Variants in DENND4C observed in about 807,000 individuals in gnomAD.
DENND4C encodes the protein DENN domain containing 4C, also known as DENN domain-containing protein 4C.
DENND4C carries 108 observed loss-of-function variants against 203.0 expected under a neutral mutation model. The observed-to-expected ratio is 0.53, with a 90% CI of 0.46 to 0.62. DENND4C has a LOEUF of 0.62. DENND4C is among the 20% of genes least tolerant of loss of function. The pLI is 0.00. For synonymous variants in DENND4C, 871 were observed against 792.4 expected (o/e 1.10, Z -1.67); for missense variants, 2,481 against 2,301.2 (o/e 1.08, Z -1.60).
intron 5 of DENND4C, among the ~76,000 whole-genome samples, chr9:19,291,899 T>C (rs982446740): frequency 6.6e-6 from 1 of 152,172 alleles, no homozygotes; most frequent in Non-Finnish European, 1.5e-5. Flanking sequence ...AGGACAAGGC[T>C]ACATCCTAAG....
In DENND4C at chr9:19,336,156, A is replaced by T. The variant is rs1820412627; in HGVS notation, c.2590-114A>T. 7 of 943,342 alleles carry T rather than the reference A, an allele frequency of 7.4e-6. No individual in the cohort carries two copies. In the Admixed American group the frequency reaches 1.5e-4, roughly 21 times the overall value. The allele number at this position is 943,342 out of a possible 1,614,324, so 58.4% of individuals were successfully genotyped here. A position where few individuals can be genotyped will look rare whatever the true frequency, so the allele number is the denominator to read the frequency against. ...TTTAATATACCTCTTGGCCAGTATA[A>T]CTTTTTATATTTGTGTATATATATA... On this transcript the variant is annotated intron_variant, in intron 18 of 32. Coordinates refer to ENST00000434457, the MANE Select transcript of DENND4C (RefSeq NM_001330640.2).
chr9:19,316,935 C>A, intron 12 of DENND4C, 96 bp downstream of exon 12: 2 of 1,078,868 alleles, frequency 1.9e-6, no homozygotes, highest in Non-Finnish European at 2.6e-6. Context: ...TAAATTATTA[C>A]AAATTCACAT....
intron 1 of DENND4C, among the ~76,000 whole-genome samples, chr9:19,273,098 G>A (rs1832101988): frequency 6.6e-6 from 1 of 151,686 alleles, no homozygotes; most frequent in South Asian, 2.1e-4. Context: ...ACAGGCACCC[G>A]CCGCCACCAT....
intron 2 of DENND4C, among the ~76,000 whole-genome samples, chr9:19,282,645 G>C (rs372630368): frequency 1.3e-5 from 2 of 149,836 alleles, no homozygotes; most frequent in East Asian, 3.9e-4. Flanking sequence ...GCCTCAGCCT[G>C]CTGAATAGCT....
At chr9:19,276,100 A>C in intron 1 of DENND4C, 58 bp from the exon 2 acceptor site, 1 of 878,410 alleles carries the variant, frequency 1.1e-6, no homozygotes, top group Middle Eastern at 3.9e-4. Flanking sequence ...AGGATATATT[A>C]ATTTTTGTCA....
At chr9:19,254,725 T>C (rs1479567489) in intron 1 of DENND4C, among the ~76,000 whole-genome samples, 1 of 152,222 alleles carries the variant, frequency 6.6e-6, no homozygotes, top group African/African-American at 2.4e-5. Flanking sequence ...GTGTTGATTG[T>C]GTTAATTTGA....
intron 16 of DENND4C, among the ~76,000 whole-genome samples, chr9:19,329,446 G>A (rs1212201993): frequency 6.6e-6 from 1 of 151,996 alleles, no homozygotes; most frequent in African/African-American, 2.4e-5. Context: ...TATTTTATTT[G>A]TCTATTCATA....
At chr9:19,235,580 TATTATCTGTTGGTTTACAGAAGAGTCATC>T (rs1169515399) in intron 1 of DENND4C, among the ~76,000 whole-genome samples, 98 of 151,546 alleles carry the variant, frequency 6.5e-4, no homozygotes, top group Non-Finnish European at 1.0e-3. Flanking sequence ...AATCCAGATT[TATTATCTGTTGGTTTACAGAAGAGTCATC>T]TTTTTTTTTT....
intron 10 of DENND4C, among the ~76,000 whole-genome samples, chr9:19,308,155 C>G (rs940471686): frequency 6.6e-6 from 1 of 152,130 alleles, no homozygotes; most frequent in African/African-American, 2.4e-5. Context: ...CTGTTCTGAT[C>G]ATCGTATATA....
At chr9:19,361,576 A>G (rs1260832460) in intron 29 of DENND4C, among the ~76,000 whole-genome samples, 4 of 152,210 alleles carry the variant, frequency 2.6e-5, no homozygotes, top group Non-Finnish European at 5.9e-5. Flanking sequence ...TGACCTTAAA[A>G]TTTGCTGTAA....
intron 3 of DENND4C, among the ~76,000 whole-genome samples, chr9:19,288,384 A>G (rs1835637287): frequency 6.6e-6 from 1 of 152,196 alleles, no homozygotes; most frequent in South Asian, 2.1e-4. Context: ...TGGCCTTCAT[A>G]TCAGTTTGAT....
intron 15 of DENND4C, 47 bp downstream of exon 15, chr9:19,326,241 C>CT: frequency 6.4e-7 from 1 of 1,554,358 alleles, no homozygotes; most frequent in Non-Finnish European, 8.6e-7. Context: ...CTATCAGTTT[C>CT]TTTTAATTTT....
chr9:19,279,910 T>TA (rs78346619), intron 2 of DENND4C, among the ~76,000 whole-genome samples: 83,335 of 151,744 alleles, frequency 0.55, 23,096 homozygotes, highest in South Asian at 0.68. Flanking sequence ...GGTGAAGATA[T>TA]ATGAATTCAA....
intron 12 of DENND4C, among the ~76,000 whole-genome samples, chr9:19,320,889 A>G (rs1239438805): frequency 1.3e-5 from 2 of 152,240 alleles, no homozygotes; most frequent in Non-Finnish European, 2.9e-5. Context: ...CTTGTGGAGA[A>G]TAATTTATTT....
chr9:19,239,929 G>T (rs1043211248), intron 1 of DENND4C, among the ~76,000 whole-genome samples: 1 of 152,216 alleles, frequency 6.6e-6, no homozygotes, highest in South Asian at 2.1e-4. Context: ...ATTATGTCAA[G>T]TTGGTTGATA....
chr9:19,314,965 C>A (rs774337326), intron 10 of DENND4C, among the ~76,000 whole-genome samples: 2 of 151,826 alleles, frequency 1.3e-5, no homozygotes, highest in Non-Finnish European at 2.9e-5. Flanking sequence ...AGTTTGAGAC[C>A]AGCCTGGACA....
chr9:19,251,034 GA>G (rs1826445800), intron 1 of DENND4C, among the ~76,000 whole-genome samples: 1 of 152,220 alleles, frequency 6.6e-6, no homozygotes, highest in African/African-American at 2.4e-5. Flanking sequence ...CCCCAGTGGG[GA>G]CCCTTTGTGG....
chr9:19,289,828 C>A (rs200454985), intron 4 of DENND4C, among the ~76,000 whole-genome samples: 800 of 126,534 alleles, frequency 6.3e-3, no homozygotes, highest in East Asian at 7.4e-3. Context: ...GATCCTGTCT[C>A]AAAAAAAAAA....
chr9:19,254,171 A>G (rs555532840), intron 1 of DENND4C, among the ~76,000 whole-genome samples: 3 of 152,326 alleles, frequency 2.0e-5, no homozygotes, highest in South Asian at 2.1e-4. Flanking sequence ...ATGGAGCACA[A>G]TATGGAGGTT....
Sources: gnomAD v4.1 joint callset for allele counts (sites outside exome capture counted in the v4.1 genomes callset) on GRCh38, gnomAD v4.1.1 for gene constraint, MANE v1.5 for transcripts, NCBI Gene and HGNC (gene_info 2026-07-23, HGNC 2026-07-21) for gene names.